MAGI1: variants seen among roughly 807,000 people sequenced by gnomAD.
MAGI1 encodes the protein membrane-associated guanylate kinase, WW and PDZ domain-containing protein 1.
A neutral mutation model predicts 139.9 loss-of-function variants in MAGI1; 58 were observed. The ratio of observed to expected loss-of-function variants is 0.41; its 90% CI spans 0.34 to 0.52. The LOEUF (loss-of-function observed/expected upper bound fraction) is 0.52, where lower values mean the gene tolerates loss of function less well. MAGI1 is among the 20% of genes least tolerant of loss of function. MAGI1 has a pLI of 0.12. For synonymous variants in MAGI1, 812 were observed against 737.9 expected (o/e 1.10, Z -1.63); for missense variants, 1,874 against 1,901.6 (o/e 0.99, Z 0.27).
intron 12 of MAGI1, among the ~76,000 whole-genome samples, chr3:65,421,472 G>A (rs1351504394): frequency 6.6e-6 from 1 of 152,170 alleles, no homozygotes; most frequent in Non-Finnish European, 1.5e-5. Flanking sequence ...TTGAGATACT[G>A]AATCAATGAA....
intron 1 of MAGI1, among the ~76,000 whole-genome samples, chr3:65,693,972 C>T (rs371904189): frequency 8.2e-4 from 125 of 152,144 alleles, no homozygotes; most frequent in African/African-American, 2.9e-3. Flanking sequence ...CCACCCACCT[C>T]GACCTCCCGA....
intron 9 of MAGI1, among the ~76,000 whole-genome samples, chr3:65,438,568 T>C (rs769651428): frequency 1.8e-4 from 27 of 152,332 alleles, no homozygotes; most frequent in Admixed American, 2.6e-4. Context: ...GTAGATAACA[T>C]TTCAATGGGT....
chr3:65,942,219 A>G (rs74977178), intron 1 of MAGI1, among the ~76,000 whole-genome samples: 3 of 139,390 alleles, frequency 2.2e-5, no homozygotes, highest in South Asian at 2.3e-4. Context: ...CCATTTGCAG[A>G]AAAAAAAAAA....
chr3:66,037,952 C>A, intron 1 of MAGI1, 44 bp downstream of exon 1: 1 of 1,519,388 alleles, frequency 6.6e-7, no homozygotes, highest in South Asian at 1.3e-5. Context: ...CACAGACCAC[C>A]CTCCTTTTCT....
intron 4 of MAGI1, 61 bp from the exon 5 acceptor site, chr3:65,470,545 G>T: frequency 9.3e-7 from 1 of 1,078,142 alleles, no homozygotes; most frequent in Non-Finnish European, 1.4e-6. Flanking sequence ...ATGGTATTCA[G>T]CAATCATACC....
intron 2 of MAGI1, among the ~76,000 whole-genome samples, chr3:65,617,875 G>A (rs1046961180): frequency 6.6e-6 from 1 of 152,148 alleles, no homozygotes; most frequent in African/African-American, 2.4e-5. Flanking sequence ...GGAGTGGCCT[G>A]GTCACTCAGT....
chr3:65,503,817 C>T (rs2077175672), intron 2 of MAGI1, among the ~76,000 whole-genome samples: 1 of 152,128 alleles, frequency 6.6e-6, no homozygotes, highest in South Asian at 2.1e-4. Context: ...TAGCTCTTTT[C>T]TCTATAGCTA....
chr3:65,781,992 T>A (rs2038974338), intron 1 of MAGI1, among the ~76,000 whole-genome samples: 1 of 152,196 alleles, frequency 6.6e-6, no homozygotes, highest in Non-Finnish European at 1.5e-5. Context: ...CACTTTCCCA[T>A]ATATTCTGGG....
intron 1 of MAGI1, among the ~76,000 whole-genome samples, chr3:65,825,632 G>A (rs17073888): frequency 0.018 from 2,737 of 152,226 alleles, 77 homozygotes; most frequent in African/African-American, 0.062. Context: ...CACCTAAAAG[G>A]TAACATAAAA....
At chr3:65,458,161 T>C (rs1018773896) in intron 5 of MAGI1, among the ~76,000 whole-genome samples, 2 of 152,082 alleles carry the variant, frequency 1.3e-5, no homozygotes, top group East Asian at 1.9e-4. Flanking sequence ...CAGTACTTCA[T>C]TGGGTATATG....
intron 1 of MAGI1, among the ~76,000 whole-genome samples, chr3:65,844,697 A>G (rs2058924681): frequency 6.6e-6 from 1 of 152,208 alleles, no homozygotes; most frequent in South Asian, 2.1e-4. Context: ...GTGCAGCTTA[A>G]AAAGAAACTG....
At chr3:65,781,393 G>A (rs930317407) in intron 1 of MAGI1, among the ~76,000 whole-genome samples, 1 of 151,954 alleles carries the variant, frequency 6.6e-6, no homozygotes, top group Non-Finnish European at 1.5e-5. Flanking sequence ...TTTCATCTTC[G>A]CAAATGCCTA....
chr3:65,604,497 G>A (rs1295102258), intron 2 of MAGI1, among the ~76,000 whole-genome samples: 1 of 152,156 alleles, frequency 6.6e-6, no homozygotes, highest in Non-Finnish European at 1.5e-5. Flanking sequence ...AGTTGCTACT[G>A]TGGATGTTTT....
At chr3:65,619,507 A>G (rs888882757) in intron 2 of MAGI1, among the ~76,000 whole-genome samples, 1 of 152,168 alleles carries the variant, frequency 6.6e-6, no homozygotes, top group African/African-American at 2.4e-5. Flanking sequence ...CAAAATACCG[A>G]AGTCAATGAA....
In MAGI1 at chr3:65,652,399, G is replaced by A. The variant is rs115533164; in HGVS notation, c.314-30311C>T. On this transcript the variant is annotated intron_variant, in intron 1 of 22. Coordinates refer to ENST00000402939, the MANE Select transcript of MAGI1 (RefSeq NM_001033057.2). ...GACACGTGGGACCAGATAATTCTTT[G>A]TTGTTGGGAGAAGGGGGTCTTGCTC... is the stretch of plus-strand genomic sequence containing the variant. 4.3e-3 allele frequency among the ~76,000 whole-genome samples: 661 copies of A among 152,234 alleles called. 7 individuals are homozygous for A. Among genetic ancestry groups the A allele is most frequent in the African/African-American group, 0.015 (627 of 41,558 alleles).
At chr3:65,455,816 C>A (rs114967223) in intron 5 of MAGI1, among the ~76,000 whole-genome samples, 1 of 152,256 alleles carries the variant, frequency 6.6e-6, no homozygotes, top group Non-Finnish European at 1.5e-5. Context: ...TTATGACTGG[C>A]TTTTCCCCTC....
intron 14 of MAGI1, among the ~76,000 whole-genome samples, chr3:65,388,240 C>T (rs1402895822): frequency 6.6e-6 from 1 of 152,214 alleles, no homozygotes; most frequent in African/African-American, 2.4e-5. Context: ...CATTGCAACA[C>T]ATTTAGACCA....
intron 1 of MAGI1, among the ~76,000 whole-genome samples, chr3:66,011,836 C>CAAA (rs74963127): frequency 7.1e-5 from 7 of 99,054 alleles, no homozygotes; most frequent in South Asian, 3.5e-4. Flanking sequence ...TATGCTGAAC[C>CAAA]AAAAAAAAAA....
In MAGI1 at chr3:65,397,318, G is replaced by T. The variant is rs1421668316; in HGVS notation, c.2199+4121C>A. On this transcript the variant is annotated intron_variant, in intron 13 of 22. Transcript: ENST00000402939. ...GAGTCTCTCCCTCACATCTCTTAAT[G>T]ACTAGTTTTCAGCAATTTCCTTTAG... Among the ~76,000 whole-genome samples the T allele has an allele frequency of 2.0e-5, 3 of 152,284 alleles. No individual in the cohort carries two copies. In the East Asian group the frequency reaches 5.8e-4, roughly 29 times the overall value.
Sources: gnomAD v4.1 joint callset for allele counts (sites outside exome capture counted in the v4.1 genomes callset) on GRCh38, gnomAD v4.1.1 for gene constraint, MANE v1.5 for transcripts, NCBI Gene and HGNC (gene_info 2026-07-23, HGNC 2026-07-21) for gene names.